TLL1: variants seen among roughly 807,000 people sequenced by gnomAD.
TLL1 encodes the protein tolloid like 1.
A neutral mutation model predicts 128.2 loss-of-function variants in TLL1; 49 were observed. That is an observed-to-expected ratio of 0.38 (90% CI 0.30 to 0.48). The LOEUF is 0.48. Ranked by LOEUF, TLL1 falls within the 20% of genes least tolerant of loss-of-function variation. The pLI, the probability that TLL1 is intolerant of heterozygous loss-of-function variation, is 0.96. For missense variants in TLL1, 1,123 were observed against 1,242.0 expected (o/e 0.90, Z 1.44); for synonymous variants, 454 against 418.8 (o/e 1.08, Z -1.03).
At chr4:165,936,756 T>C (rs1733781127) in intron 1 of TLL1, among the ~76,000 whole-genome samples, 1 of 151,898 alleles carries the variant, frequency 6.6e-6, no homozygotes, top group Non-Finnish European at 1.5e-5. Flanking sequence ...GGTGAAACCT[T>C]GTCTCTACTA....
At chr4:165,960,733 G>A (rs148885172) in intron 1 of TLL1, among the ~76,000 whole-genome samples, 1 of 152,096 alleles carries the variant, frequency 6.6e-6, no homozygotes, top group Non-Finnish European at 1.5e-5. Flanking sequence ...AATAGATGCA[G>A]AAAAAGCTTT....
At chr4:166,036,135 T>C (rs1008374173) in intron 9 of TLL1, among the ~76,000 whole-genome samples, 4 of 151,926 alleles carry the variant, frequency 2.6e-5, no homozygotes, top group African/African-American at 9.7e-5. Context: ...TTTGTTTAGG[T>C]AGCCAATAAT....
intron 1 of TLL1, among the ~76,000 whole-genome samples, chr4:165,882,624 T>A (rs1731010410): frequency 6.6e-6 from 1 of 152,052 alleles, no homozygotes; most frequent in Admixed American, 6.6e-5. Context: ...TTATGTTTCT[T>A]TCAATTTTTT....
chr4:165,894,751 A>C (rs369848064), intron 1 of TLL1, among the ~76,000 whole-genome samples: 1 of 151,784 alleles, frequency 6.6e-6, no homozygotes, highest in Non-Finnish European at 1.5e-5. Flanking sequence ...GAGATTTTTC[A>C]TGGGTGACTA....
intron 13 of TLL1, among the ~76,000 whole-genome samples, chr4:166,056,900 A>T (rs1307880664): frequency 6.6e-6 from 1 of 152,070 alleles, no homozygotes; most frequent in Non-Finnish European, 1.5e-5. Flanking sequence ...TCCTTTGCTG[A>T]TAGAAGCAAT....
In TLL1 at chr4:166,025,437, T is replaced by G. The variant is rs1255853066; in HGVS notation, c.1158+6T>G. The G allele has an allele frequency of 7.0e-6, 11 of 1,578,364 alleles. No individual in the cohort carries two copies. The highest frequency in any genetic ancestry group is 9.6e-6 in the Non-Finnish European group (11 of 1,147,770). ...CTGTGACCCCAGGGGAGAAGGTAGT[T>G]TATACCGTCAAGCCCACTATTTTAT... On this transcript the variant is annotated splice_donor_region_variant and intron_variant, in intron 9 of 20. Transcript: ENST00000061240.
chr4:166,062,197 G>T (rs929215191), intron 15 of TLL1, among the ~76,000 whole-genome samples: 1 of 152,146 alleles, frequency 6.6e-6, no homozygotes, highest in Non-Finnish European at 1.5e-5. Context: ...TCGTGGAGAT[G>T]TGGGTTCTTT....
chr4:166,003,258 A>G, intron 5 of TLL1, 133 bp from the exon 6 acceptor site: 2 of 834,982 alleles, frequency 2.4e-6, no homozygotes, highest in South Asian at 1.4e-5. Flanking sequence ...CATATGTAGT[A>G]ATAAGAGGTT....
At chr4:165,943,539 A>G (rs1243956061) in intron 1 of TLL1, among the ~76,000 whole-genome samples, 1 of 152,062 alleles carries the variant, frequency 6.6e-6, no homozygotes, top group Non-Finnish European at 1.5e-5. Context: ...AAAACTGCTT[A>G]TCTCCTTAAA....
At chr4:165,874,095 G>C (rs765023891) in intron 1 of TLL1, 22 bp downstream of exon 1, 1 of 1,613,920 alleles carries the variant, frequency 6.2e-7, no homozygotes, top group South Asian at 1.1e-5. Flanking sequence ...TCCAGGTTGG[G>C]ACGGTGGCGC....
At chr4:165,906,364 T>C (rs1337892953) in intron 1 of TLL1, among the ~76,000 whole-genome samples, 1 of 152,210 alleles carries the variant, frequency 6.6e-6, no homozygotes, top group Non-Finnish European at 1.5e-5. Flanking sequence ...AAGGTAGATA[T>C]TGTTCCAATA....
intron 1 of TLL1, among the ~76,000 whole-genome samples, chr4:165,968,408 G>A (rs1459796260): frequency 6.6e-6 from 1 of 152,078 alleles, no homozygotes; most frequent in Non-Finnish European, 1.5e-5. Context: ...TGCCAATTCT[G>A]AATTCTTATC....
intron 1 of TLL1, among the ~76,000 whole-genome samples, chr4:165,979,842 G>C (rs538365578): frequency 1.2e-4 from 18 of 152,056 alleles, no homozygotes; most frequent in Non-Finnish European, 2.5e-4. Flanking sequence ...TTTGCAAGCT[G>C]TTCAGATTTT....
Position 166,051,277 on chromosome 4 carries a change from C to T in TLL1, c.1525-3799C>T, listed in dbSNP as rs372428657. 5.0e-3 allele frequency among the ~76,000 whole-genome samples: 575 copies of T among 114,252 alleles called. 3 individuals carry two copies. Among genetic ancestry groups the T allele is most frequent in the African/African-American group, 0.015 (497 of 33,856 alleles). 75.0% of individuals were successfully genotyped at this position (114,252 alleles called of 152,430 possible). On this transcript the variant is annotated intron_variant, in intron 12 of 20. Transcript: ENST00000061240. ...TCTTTTTTCTCCTCCCTCCCTCCCT[C>T]CCTTCTTTCTTCCCTCCCTCCTTTC...
intron 1 of TLL1, among the ~76,000 whole-genome samples, chr4:165,883,041 C>A (rs1368201413): frequency 6.6e-6 from 1 of 152,098 alleles, no homozygotes; most frequent in Non-Finnish European, 1.5e-5. Context: ...GTAGGATATA[C>A]TTCCAGTTTG....
At chr4:166,060,626 C>T (rs1740266717) in intron 15 of TLL1, among the ~76,000 whole-genome samples, 2 of 151,926 alleles carry the variant, frequency 1.3e-5, no homozygotes, top group Non-Finnish European at 1.5e-5. Flanking sequence ...TGAATGTGCT[C>T]GTGGTTCATA....
chr4:165,937,853 A>AC (rs11340655), intron 1 of TLL1, among the ~76,000 whole-genome samples: 2,816 of 58,762 alleles, frequency 0.048, 36 homozygotes, highest in Non-Finnish European at 0.05. Flanking sequence ...TCCCTTCCCC[A>AC]CCCCCCCCCC....
chr4:166,078,003 C>A lies in TLL1; in HGVS notation c.2415C>A (p.Ser805Arg). The change falls in exon 18 of 21, where the codon AGC (serine) becomes AGA (arginine). Residue 805 changes from serine to arginine, a missense_variant. Coordinates refer to ENST00000061240, the MANE Select transcript of TLL1 (RefSeq NM_012464.5). ...PSRKECTWEI[S>R]ATPGHRIKLA... ...GGAAAGAATGCACTTGGGAAATCAG[C>A]GCCACTCCTGGCCACCGAATCAAAT... 1 of 1,613,634 alleles carries A rather than the reference C, an allele frequency of 6.2e-7. No individual in the cohort carries two copies. The highest frequency in any genetic ancestry group is 8.5e-7 in the Non-Finnish European group (1 of 1,179,716).
chr4:165,956,655 C>CAT (rs201821360), intron 1 of TLL1, among the ~76,000 whole-genome samples: 11,349 of 151,982 alleles, frequency 0.075, 1,107 homozygotes, highest in African/African-American at 0.23. Flanking sequence ...TTCAAACACA[C>CAT]GTTTTACAAT....
Sources: gnomAD v4.1 joint callset for allele counts (sites outside exome capture counted in the v4.1 genomes callset) on GRCh38, gnomAD v4.1.1 for gene constraint, MANE v1.5 for transcripts, NCBI Gene and HGNC (gene_info 2026-07-23, HGNC 2026-07-21) for gene names.